WASF3: variants seen among roughly 807,000 people sequenced by gnomAD.
The protein encoded by WASF3 is actin-binding protein WASF3.
Under a neutral mutation model 46.6 loss-of-function variants are expected in WASF3, and 11 were observed. The observed-to-expected ratio is 0.24, with a 90% CI of 0.15 to 0.39. The LOEUF (loss-of-function observed/expected upper bound fraction) is 0.39. Ranked by LOEUF, WASF3 falls within the 10% of genes least tolerant of loss-of-function variation. The pLI, the probability that WASF3 is intolerant of heterozygous loss-of-function variation, is 1.00. For missense variants in WASF3, 576 were observed against 669.8 expected (o/e 0.86, Z 1.55); for synonymous variants, 242 against 259.7 (o/e 0.93, Z 0.65).
At position 26,557,791 on chromosome 13, in the gene WASF3, C is replaced by G. The variant is rs1162957355; in HGVS notation, c.-137C>G. On this transcript the variant is annotated 5_prime_UTR_variant, in exon 1 of 10. Coordinates refer to ENST00000335327, the MANE Select transcript of WASF3 (RefSeq NM_006646.6). ...GGGACCATGGAGCTCAGAGCGCAGC[C>G]CCGGCGCCGGCGGCGGGACCGCGGA... 3.5e-6 allele frequency: 1 copy of G among 282,508 alleles called. No homozygotes were observed. Among genetic ancestry groups the G allele is most frequent in the Admixed American group, 5.3e-5 (1 of 18,902 alleles). The allele number at this position is 282,508 out of a possible 1,614,324, so 17.5% of individuals were successfully genotyped here. A position where few individuals can be genotyped will look rare whatever the true frequency, so the allele number is the denominator to read the frequency against.
At chr13:26,633,369 A>T (rs1445871748) in intron 2 of WASF3, among the ~76,000 whole-genome samples, 1 of 151,498 alleles carries the variant, frequency 6.6e-6, no homozygotes, top group Non-Finnish European at 1.5e-5. Context: ...CGTCCGGCTA[A>T]TTTTTTGTAT....
chr13:26,561,383 C>T (rs1879290419), intron 1 of WASF3, among the ~76,000 whole-genome samples: 2 of 151,884 alleles, frequency 1.3e-5, no homozygotes, highest in Non-Finnish European at 2.9e-5. Flanking sequence ...CAGTGTCCAG[C>T]TCTGGCTGGG....
chr13:26,681,148 G>T lies in WASF3; in HGVS notation c.811G>T (p.Asp271Tyr). 6.2e-7 allele frequency: 1 copy of T among 1,614,158 alleles called. No individual in the cohort carries two copies. ...QPVTPSYAAG[D>Y]VPPHGPASQA... ...TGTGACCCCTTCCTATGCAGCTGGT[G>T]ACGTGCCACCACACGGGCCTGCAAG... Residue 271 changes from aspartate to tyrosine, a missense_variant, in exon 8 of 10, where the codon GAC becomes TAC. By Grantham distance (160) the Asp-to-Tyr change is radical (BLOSUM62 -3). Around this residue, in one of 3 missense-constraint regions of WASF3, gnomAD observed 295 missense variants for 291.5 expected, o/e 1.01. Transcript: ENST00000335327.
At chr13:26,602,688 C>G (rs192945953) in intron 1 of WASF3, among the ~76,000 whole-genome samples, 54 of 152,180 alleles carry the variant, frequency 3.5e-4, no homozygotes, top group African/African-American at 1.3e-3. Context: ...TGTTGAATTG[C>G]ACATGAAATC....
At chr13:26,587,275 T>G (rs1230822058) in intron 1 of WASF3, among the ~76,000 whole-genome samples, 3 of 149,914 alleles carry the variant, frequency 2.0e-5, no homozygotes, top group South Asian at 2.1e-4. Flanking sequence ...TAAACTCTGT[T>G]TTTTTTTTTT....
intron 2 of WASF3, among the ~76,000 whole-genome samples, chr13:26,627,296 C>A (rs1237425743): frequency 6.6e-6 from 1 of 151,762 alleles, no homozygotes; most frequent in Non-Finnish European, 1.5e-5. Context: ...ATGTGAGCCT[C>A]TCAACAACCT....
intron 1 of WASF3, among the ~76,000 whole-genome samples, chr13:26,592,187 A>AAAAT (rs1880323526): frequency 1.3e-5 from 2 of 152,192 alleles, no homozygotes; most frequent in African/African-American, 4.8e-5. Flanking sequence ...CTCTAATAAT[A>AAAAT]AAATATTTCA....
intron 2 of WASF3, chr13:26,625,993 G>C (rs1425870164): frequency 1.3e-5 from 2 of 152,162 alleles, no homozygotes; most frequent in Non-Finnish European, 2.9e-5. Flanking sequence ...CCAAAGAACA[G>C]GTGGGACAAA....
rs1315425155 is a variant in WASF3 at position 26,665,063 on chromosome 13, A to G, written c.169A>G (p.Asn57Asp). The change falls in exon 4 of 10, where the codon AAT becomes GAT. Residue 57 changes from asparagine to aspartate, a missense_variant. By Grantham distance (23) the Asn-to-Asp change is conservative. This residue lies in a region of WASF3 where 213 missense variants were observed against 278.0 expected (regional missense o/e 0.77). Coordinates refer to ENST00000335327, the MANE Select transcript of WASF3 (RefSeq NM_006646.6). The part of the protein sequence containing the change: ...HAEDIFGELF[N>D]EANNFYIRAN... ...TGAAGACATATTTGGTGAGTTGTTT[A>G]ATGAGGCTAACAACTTCTACATCAG... 6.2e-7 allele frequency: 1 copy of G among 1,614,032 alleles called. No individual in the cohort carries two copies. Among genetic ancestry groups the G allele is most frequent in the African/African-American group, 1.3e-5 (1 of 74,942 alleles).
chr13:26,641,106 G>A (rs1881983978), intron 2 of WASF3: 1 of 152,088 alleles, frequency 6.6e-6, no homozygotes, highest in Non-Finnish European at 1.5e-5. Context: ...CTTTAGCTAT[G>A]CCTAGAGTCC....
At chr13:26,602,152 G>A (rs1880660468) in intron 1 of WASF3, among the ~76,000 whole-genome samples, 4 of 152,130 alleles carry the variant, frequency 2.6e-5, no homozygotes, top group South Asian at 2.1e-4. Flanking sequence ...AGAGCTTTTC[G>A]ATGGTAGTTC....
chr13:26,596,339 T>C (rs1032238118), intron 1 of WASF3, among the ~76,000 whole-genome samples: 2 of 152,118 alleles, frequency 1.3e-5, no homozygotes, highest in African/African-American at 2.4e-5. Context: ...TTTACTTTTT[T>C]TTTTAAAAAA....
chr13:26,558,709 C>G (rs1879186303), intron 1 of WASF3, among the ~76,000 whole-genome samples: 1 of 152,158 alleles, frequency 6.6e-6, no homozygotes, highest in Non-Finnish European at 1.5e-5. Flanking sequence ...AATTCTTTCT[C>G]ATTTTAAGGT....
intron 5 of WASF3, among the ~76,000 whole-genome samples, chr13:26,669,781 T>G (rs1882877781): frequency 6.6e-6 from 1 of 152,228 alleles, no homozygotes; most frequent in Non-Finnish European, 1.5e-5. Flanking sequence ...CCCAAAGTGC[T>G]GGGATCACAG....
chr13:26,567,480 G>A (rs1246202884), intron 1 of WASF3, among the ~76,000 whole-genome samples: 1 of 152,192 alleles, frequency 6.6e-6, no homozygotes, highest in Non-Finnish European at 1.5e-5. Flanking sequence ...GAATACAGAC[G>A]TGTTTGTTCT....
intron 6 of WASF3, among the ~76,000 whole-genome samples, chr13:26,672,567 C>T (rs1049090219): frequency 1.1e-4 from 16 of 152,164 alleles, no homozygotes; most frequent in Admixed American, 9.8e-4. Context: ...CCACTCTACT[C>T]AGGTTAAGGG....
intron 1 of WASF3, among the ~76,000 whole-genome samples, chr13:26,564,490 A>G (rs1566036057): frequency 6.6e-6 from 1 of 152,186 alleles, no homozygotes; most frequent in East Asian, 1.9e-4. Context: ...GAATTTTTAA[A>G]AGTTCCTCTA....
chr13:26,573,642 ATTT>A (rs1879704524), intron 1 of WASF3, among the ~76,000 whole-genome samples: 1 of 152,016 alleles, frequency 6.6e-6, no homozygotes, highest in African/African-American at 2.4e-5. Flanking sequence ...TTTGTTCTTA[ATTT>A]CTAGTTTTAT....
At chr13:26,668,164 G>C (rs1217351947) in intron 5 of WASF3, among the ~76,000 whole-genome samples, 2 of 152,152 alleles carry the variant, frequency 1.3e-5, no homozygotes. Context: ...TCTGTTACTG[G>C]AAAATGGTAG....
Sources: allele counts gnomAD v4.1 joint callset (sites outside exome capture counted in the v4.1 genomes callset), GRCh38; gene constraint gnomAD v4.1.1; regional missense constraint gnomAD v4.1.1; transcripts MANE v1.5; gene names NCBI Gene and HGNC (gene_info 2026-07-23, HGNC 2026-07-21).